The following RANBP2 variants were observed in gnomAD, a reference collection of about 807,000 sequenced individuals.
The protein encoded by RANBP2 is RAN binding protein 2, also known as E3 SUMO-protein ligase RanBP2.
RANBP2 carries 57 observed loss-of-function variants against 303.6 expected under a neutral mutation model. That is an observed-to-expected ratio of 0.19 (90% CI 0.15 to 0.23). RANBP2 has a LOEUF of 0.23. RANBP2 is among the 10% of genes least tolerant of loss of function. RANBP2 has a pLI of 1.00. For missense variants in RANBP2, 3,138 were observed against 3,780.8 expected, an observed-to-expected ratio of 0.83 and a Z score of 4.46; for synonymous variants, 1,167 against 1,301.5, an observed-to-expected ratio of 0.90 and a Z score of 2.23.
At chr2:109,634,410 A>G in the RANBP2 span, among the ~76,000 whole-genome samples, 2 of 152,216 alleles carry the variant, frequency 1.3e-5, no homozygotes, top group Admixed American at 6.6e-5. Context: ...CTGAATTTGT[A>G]TCTGAATCAC....
At chr2:109,605,969 G>T in the RANBP2 span, among the ~76,000 whole-genome samples, 2 of 152,190 alleles carry the variant, frequency 1.3e-5, no homozygotes, top group Non-Finnish European at 2.9e-5. Flanking sequence ...GCATCATTAA[G>T]AACTGCCAAA....
At chr2:109,108,859 C>G in the RANBP2 span, among the ~76,000 whole-genome samples, 1 of 152,116 alleles carries the variant, frequency 6.6e-6, no homozygotes, top group African/African-American at 2.4e-5. Flanking sequence ...AGAACTGGCC[C>G]GAAAAACCTT....
the RANBP2 span, among the ~76,000 whole-genome samples, chr2:109,656,337 T>C: frequency 6.6e-6 from 1 of 150,494 alleles, no homozygotes; most frequent in Admixed American, 6.6e-5. Flanking sequence ...AATTCTGGGG[T>C]TTTTTTGTTT....
chr2:108,851,570 T>C, the RANBP2 span, among the ~76,000 whole-genome samples: 21 of 152,160 alleles, frequency 1.4e-4, no homozygotes, highest in Non-Finnish European at 2.4e-4. Context: ...CCAAAAGTGC[T>C]GATATTACAG....
At chr2:109,545,636 T>C in the RANBP2 span, 10 of 1,512,462 alleles carry the variant, frequency 6.6e-6, no homozygotes, top group African/African-American at 2.8e-5. Context: ...TACTATCTTA[T>C]GTCTATAATT....
chr2:108,732,036 GA>G (rs949109341), intron 4 of RANBP2: 2 of 152,286 alleles, frequency 1.3e-5, no homozygotes, highest in Non-Finnish European at 2.9e-5. Flanking sequence ...CTGTTCTGGA[GA>G]AAATCTACAC....
At chr2:109,371,868 C>A in the RANBP2 span, among the ~76,000 whole-genome samples, 1 of 152,324 alleles carries the variant, frequency 6.6e-6, no homozygotes, top group African/African-American at 2.4e-5. Context: ...GTGAGCACTG[C>A]CTTGGCCAGT....
At chr2:108,979,773 C>CTTTG in the RANBP2 span, among the ~76,000 whole-genome samples, 1 of 152,146 alleles carries the variant, frequency 6.6e-6, no homozygotes, top group Non-Finnish European at 1.5e-5. Context: ...ATGTCACCAG[C>CTTTG]CAAATGGGTC....
chr2:108,931,719 GT>G, the RANBP2 span, among the ~76,000 whole-genome samples: 1,624 of 148,926 alleles, frequency 0.011, 33 homozygotes, highest in African/African-American at 0.039. Flanking sequence ...GAGGAGGTGG[GT>G]TTTTTTTTCT....
At chr2:108,955,969 C>T in the RANBP2 span, among the ~76,000 whole-genome samples, 4 of 152,132 alleles carry the variant, frequency 2.6e-5, no homozygotes, top group African/African-American at 9.7e-5. Flanking sequence ...GTGGAGCTTG[C>T]AGTGAGCCGA....
the RANBP2 span, among the ~76,000 whole-genome samples, chr2:109,358,789 G>A: frequency 1.8e-4 from 27 of 152,282 alleles, no homozygotes; most frequent in Non-Finnish European, 3.4e-4. Context: ...TAATTTTAAT[G>A]AAGTCTAACT....
At chr2:108,861,632 C>T in the RANBP2 span, among the ~76,000 whole-genome samples, 16 of 152,126 alleles carry the variant, frequency 1.1e-4, no homozygotes, top group African/African-American at 3.1e-4. Context: ...AGGTGCACAC[C>T]GCCACACCTA....
chr2:109,691,474 G>A, the RANBP2 span, among the ~76,000 whole-genome samples: 2 of 152,278 alleles, frequency 1.3e-5, no homozygotes, highest in Admixed American at 1.3e-4. Flanking sequence ...CTGGATCCAA[G>A]CAGGAACTCC....
chr2:109,069,159 G>A, the RANBP2 span, among the ~76,000 whole-genome samples: 2 of 152,166 alleles, frequency 1.3e-5, no homozygotes, highest in African/African-American at 4.8e-5. Context: ...CTTGAGTAAT[G>A]TATCTCAGAC....
the RANBP2 span, among the ~76,000 whole-genome samples, chr2:109,597,910 TA>T: frequency 6.6e-6 from 1 of 152,176 alleles, no homozygotes; most frequent in Non-Finnish European, 1.5e-5. Context: ...CAATTACAGA[TA>T]AACTTCTGAT....
the RANBP2 span, among the ~76,000 whole-genome samples, chr2:109,653,890 G>A: frequency 6.6e-6 from 1 of 152,286 alleles, no homozygotes; most frequent in East Asian, 1.9e-4. Context: ...GGTAAATGTA[G>A]TCCAGTCCAA....
chr2:109,506,305 G>A, the RANBP2 span, among the ~76,000 whole-genome samples: 28,384 of 152,216 alleles, frequency 0.19, 3,493 homozygotes, highest in Non-Finnish European at 0.27. Flanking sequence ...CTTCTTTCTC[G>A]GGAGAAAGGC....
the RANBP2 span, among the ~76,000 whole-genome samples, chr2:109,628,452 C>G: frequency 6.6e-6 from 1 of 151,560 alleles, no homozygotes; most frequent in Non-Finnish European, 1.5e-5. Flanking sequence ...GGAGATCGCG[C>G]CACTGCACTC....
At chr2:109,211,545 G>A in the RANBP2 span, among the ~76,000 whole-genome samples, 2 of 152,224 alleles carry the variant, frequency 1.3e-5, no homozygotes, top group Admixed American at 6.5e-5. Flanking sequence ...AGCAAGCTCC[G>A]GGGCTGTCAC....
Sources: gnomAD v4.1 joint callset for allele counts (sites outside exome capture counted in the v4.1 genomes callset) on GRCh38, gnomAD v4.1.1 for gene constraint, MANE v1.5 for transcripts, NCBI Gene and HGNC (gene_info 2026-07-23, HGNC 2026-07-21) for gene names.